Variants in KCTD8 observed in about 807,000 individuals in gnomAD.
The protein encoded by KCTD8 is BTB/POZ domain-containing protein KCTD8.
KCTD8 carries 27 observed loss-of-function variants against 31.5 expected under a neutral mutation model. That is an observed-to-expected ratio of 0.86 (90% CI 0.63 to 1.18). The LOEUF (loss-of-function observed/expected upper bound fraction) is 1.18. KCTD8 is among the 50% of genes most tolerant of loss of function. The probability of loss-of-function intolerance (pLI) is 0.00; values close to 1 mark genes in which losing one functional copy is unlikely to be tolerated. For missense variants in KCTD8, 658 were observed against 647.7 expected (o/e 1.02, Z -0.17); for synonymous variants, 290 against 280.0 (o/e 1.04, Z -0.36).
intron 1 of KCTD8, among the ~76,000 whole-genome samples, chr4:44,384,926 G>A (rs959045326): frequency 6.6e-6 from 1 of 151,040 alleles, no homozygotes; most frequent in Non-Finnish European, 1.5e-5. Flanking sequence ...ATTATTATGT[G>A]TCAATTAAAA....
At chr4:44,391,010 A>C (rs1230007443) in intron 1 of KCTD8, among the ~76,000 whole-genome samples, 1 of 152,042 alleles carries the variant, frequency 6.6e-6, no homozygotes, top group Admixed American at 6.6e-5. Context: ...AAAAGGGATG[A>C]AATAACGGCA....
chr4:44,369,342 T>C (rs780819044), intron 1 of KCTD8, among the ~76,000 whole-genome samples: 2 of 152,176 alleles, frequency 1.3e-5, no homozygotes, highest in Non-Finnish European at 2.9e-5. Flanking sequence ...CACTTCAATA[T>C]ACACTCCATT....
At position 44,374,482 on chromosome 4, in the gene KCTD8, C is replaced by T. The variant is rs377690280; in HGVS notation, c.961+73081G>A. On this transcript the variant is annotated intron_variant, in intron 1 of 1. Coordinates refer to ENST00000360029, the MANE Select transcript of KCTD8 (RefSeq NM_198353.3). ...ACACTTTCTTATCATTGTGTGTTCACTGGTGTAGCACTTTTAATTTTCTTC... is the reference window on the plus strand; with the variant it reads ...ACACTTTCTTATCATTGTGTGTTCATTGGTGTAGCACTTTTAATTTTCTTC... Among the ~76,000 whole-genome samples the T allele has an allele frequency of 8.9e-4, 136 of 152,300 alleles. 3 individuals carry two copies. The South Asian group carries it at 0.027, about 30-fold the overall frequency.
chr4:44,426,211 G>A (rs1046150326), intron 1 of KCTD8, among the ~76,000 whole-genome samples: 3 of 151,562 alleles, frequency 2.0e-5, no homozygotes, highest in African/African-American at 7.3e-5. Context: ...GAAAAAAATC[G>A]AGCCAATCAT....
chr4:44,444,299 A>G (rs1010030631), intron 1 of KCTD8, among the ~76,000 whole-genome samples: 5 of 152,340 alleles, frequency 3.3e-5, no homozygotes, highest in African/African-American at 1.2e-4. Flanking sequence ...TCAATCCAGA[A>G]AAACCAATTG....
At chr4:44,205,914 T>C (rs1200484830) in intron 1 of KCTD8, among the ~76,000 whole-genome samples, 1 of 152,130 alleles carries the variant, frequency 6.6e-6, no homozygotes, top group East Asian at 1.9e-4. Context: ...CTGTCCCCTC[T>C]AAAGCTAATG....
rs191706411 is a variant in KCTD8 at position 44,279,816 on chromosome 4, A to G, written c.962-104566T>C. Among the ~76,000 whole-genome samples, 140 of 152,158 alleles carry G rather than the reference A, an allele frequency of 9.2e-4. 1 individual carries two copies. Among genetic ancestry groups the G allele is most frequent in the Middle Eastern group, 6.8e-3 (2 of 294 alleles). Reference sequence around the variant, plus strand: ...TGCTCACACCACAACATATATATACATGCTTTTCTTAACTTTGATATGTTG... The same window carrying G: ...TGCTCACACCACAACATATATATACGTGCTTTTCTTAACTTTGATATGTTG... On this transcript the variant is annotated intron_variant, in intron 1 of 1. Coordinates refer to ENST00000360029, the MANE Select transcript of KCTD8 (RefSeq NM_198353.3).
chr4:44,182,485 T>C (rs1273628905), intron 1 of KCTD8, among the ~76,000 whole-genome samples: 4 of 152,220 alleles, frequency 2.6e-5, no homozygotes, highest in Admixed American at 2.6e-4. Context: ...TCTATGACCT[T>C]ACCCCCAACC....
At chr4:44,245,673 T>C (rs888380203) in intron 1 of KCTD8, among the ~76,000 whole-genome samples, 5 of 151,976 alleles carry the variant, frequency 3.3e-5, no homozygotes, top group Non-Finnish European at 7.4e-5. Flanking sequence ...GTCTAATCAG[T>C]GTTAAAATGT....
chr4:44,280,488 T>C (rs1237181318), intron 1 of KCTD8, among the ~76,000 whole-genome samples: 1 of 152,066 alleles, frequency 6.6e-6, no homozygotes, highest in Non-Finnish European at 1.5e-5. Flanking sequence ...GGATGGCAAT[T>C]ATTAATTTCA....
intron 1 of KCTD8, among the ~76,000 whole-genome samples, chr4:44,175,647 C>T (rs2109327239): frequency 6.6e-6 from 1 of 152,286 alleles, no homozygotes; most frequent in Non-Finnish European, 1.5e-5. Flanking sequence ...TTTTGTTCTA[C>T]CCACTGCACT....
At chr4:44,379,552 G>T (rs1304769679) in intron 1 of KCTD8, among the ~76,000 whole-genome samples, 2 of 152,052 alleles carry the variant, frequency 1.3e-5, no homozygotes, top group African/African-American at 2.4e-5. Flanking sequence ...ACCATTGCAG[G>T]TGTGTGTATG....
intron 1 of KCTD8, among the ~76,000 whole-genome samples, chr4:44,233,804 AT>A (rs1048948154): frequency 6.6e-5 from 10 of 152,048 alleles, no homozygotes; most frequent in South Asian, 2.1e-4. Flanking sequence ...TTTCCTAAGA[AT>A]TTTTTTTAAA....
chr4:44,292,957 T>C (rs375853055), intron 1 of KCTD8, among the ~76,000 whole-genome samples: 3 of 152,288 alleles, frequency 2.0e-5, no homozygotes, highest in Non-Finnish European at 2.9e-5. Flanking sequence ...ACACCCCCTA[T>C]TTTGTTTGAA....
intron 1 of KCTD8, among the ~76,000 whole-genome samples, chr4:44,323,491 T>G (rs1718353328): frequency 1.2e-5 from 1 of 82,980 alleles, no homozygotes; most frequent in Non-Finnish European, 2.7e-5. Context: ...TGAAACTCCA[T>G]CCCCACCCAC....
rs1181008638 is a variant in KCTD8, at chr4:44,366,054, C to T, written c.961+81509G>A. Among the ~76,000 whole-genome samples, 6 of 152,120 alleles carry T rather than the reference C, an allele frequency of 3.9e-5. 1 individual carries two copies. The South Asian group carries it at 6.2e-4, about 16-fold the overall frequency. Reference sequence around the variant, plus strand: ...ACATGATTTATATAAAATTATATATCGGTTGTCTGCATAAATATATTTATA... The same window carrying T: ...ACATGATTTATATAAAATTATATATTGGTTGTCTGCATAAATATATTTATA... On this transcript the variant is annotated intron_variant, in intron 1 of 1. Coordinates refer to ENST00000360029, the MANE Select transcript of KCTD8 (RefSeq NM_198353.3).
chr4:44,306,688 T>G (rs1181315394), intron 1 of KCTD8, among the ~76,000 whole-genome samples: 1 of 151,974 alleles, frequency 6.6e-6, no homozygotes, highest in Non-Finnish European at 1.5e-5. Context: ...ATGATCTCAG[T>G]CCTGAACATG....
At chr4:44,297,341 A>C (rs1423825641) in intron 1 of KCTD8, among the ~76,000 whole-genome samples, 2 of 152,108 alleles carry the variant, frequency 1.3e-5, no homozygotes, top group African/African-American at 4.8e-5. Flanking sequence ...ACTGTTTTTC[A>C]TCCAAAAAGC....
At chr4:44,220,439 C>T (rs1305982428) in intron 1 of KCTD8, among the ~76,000 whole-genome samples, 4 of 152,202 alleles carry the variant, frequency 2.6e-5, no homozygotes, top group Non-Finnish European at 5.9e-5. Flanking sequence ...GGAAGGAACA[C>T]CATCCTCTAA....
Sources: allele counts gnomAD v4.1 joint callset (sites outside exome capture counted in the v4.1 genomes callset), GRCh38; gene constraint gnomAD v4.1.1; transcripts MANE v1.5; gene names NCBI Gene and HGNC (gene_info 2026-07-23, HGNC 2026-07-21).